Variants in CTNNA1 observed in about 807,000 individuals in gnomAD.
The protein encoded by CTNNA1 is catenin alpha 1, also known as catenin alpha-1.
CTNNA1 carries 37 observed loss-of-function variants against 98.4 expected under a neutral mutation model. The observed-to-expected ratio is 0.38, with a 90% CI of 0.29 to 0.49. The LOEUF (loss-of-function observed/expected upper bound fraction) is 0.49, where lower values mean the gene tolerates loss of function less well. Ranked by LOEUF, CTNNA1 falls within the 20% of genes least tolerant of loss-of-function variation. CTNNA1 has a pLI of 0.95. For missense variants in CTNNA1, 761 were observed against 1,147.2 expected (o/e 0.66, Z 4.86); for synonymous variants, 404 against 413.2 (o/e 0.98, Z 0.27).
intron 10 of CTNNA1, among the ~76,000 whole-genome samples, chr5:138,916,653 G>T (rs1314887955): frequency 1.3e-5 from 2 of 152,014 alleles, no homozygotes; most frequent in Non-Finnish European, 2.9e-5. Flanking sequence ...CTCTCAAGTA[G>T]CTGGGACTAC....
chr5:138,882,185 G>T (rs1423730489), intron 7 of CTNNA1, among the ~76,000 whole-genome samples: 2 of 152,244 alleles, frequency 1.3e-5, no homozygotes, highest in Admixed American at 1.3e-4. Context: ...GTAGCATTCT[G>T]TGGGGACACT....
chr5:138,861,486 A>G (rs1170889204), intron 7 of CTNNA1, among the ~76,000 whole-genome samples: 1 of 152,228 alleles, frequency 6.6e-6, no homozygotes, highest in East Asian at 1.9e-4. Context: ...TGGAATCCCA[A>G]GAAAACTGGA....
At chr5:138,815,339 C>T (rs1487559722) in intron 5 of CTNNA1, among the ~76,000 whole-genome samples, 2 of 151,964 alleles carry the variant, frequency 1.3e-5, no homozygotes, top group Non-Finnish European at 2.9e-5. Context: ...TATTGTTTCC[C>T]ACCCTTGTTT....
intron 1 of CTNNA1, among the ~76,000 whole-genome samples, chr5:138,769,338 C>T (rs1316260191): frequency 6.6e-6 from 1 of 151,662 alleles, no homozygotes; most frequent in Non-Finnish European, 1.5e-5. Context: ...CCCTTAGTCC[C>T]ACTGTGTTTT....
intron 9 of CTNNA1, chr5:138,891,111 G>A (rs1343480355): frequency 6.6e-6 from 1 of 152,186 alleles, no homozygotes; most frequent in Admixed American, 6.5e-5. Context: ...GTCTTATTGG[G>A]TGCTATTTGC....
chr5:138,824,488 T>C lies in CTNNA1; in HGVS notation c.589-42T>C, dbSNP rs764610642. ...CAAATTTTTATATGAGTAAAGCCCA[T>C]ATAAAGAGTGCTCCAATTTCTTGTT... is the stretch of plus-strand genomic sequence containing the variant. On this transcript the variant is annotated intron_variant, in intron 5 of 17. Transcript: ENST00000302763. 40 of 1,602,434 alleles carry C rather than the reference T, an allele frequency of 2.5e-5. No individual in the cohort carries two copies. In the Middle Eastern group the frequency reaches 9.9e-4, roughly 40 times the overall value.
chr5:138,832,097 T>C (rs1186050291), intron 7 of CTNNA1, among the ~76,000 whole-genome samples: 1 of 152,174 alleles, frequency 6.6e-6, no homozygotes, highest in Non-Finnish European at 1.5e-5. Context: ...GAAAGTGATA[T>C]CTTAGAGCAG....
intron 1 of CTNNA1, among the ~76,000 whole-genome samples, chr5:138,768,016 A>AT (rs1373607563): frequency 3.3e-5 from 5 of 152,138 alleles, no homozygotes; most frequent in Non-Finnish European, 7.3e-5. Context: ...AGAAGTACTG[A>AT]TTTTTTTGTG....
At chr5:138,785,514 G>A (rs1390671315) in intron 3 of CTNNA1, among the ~76,000 whole-genome samples, 1 of 728 alleles carries the variant, frequency 1.4e-3, no homozygotes. Context: ...CATATTAACA[G>A]ATGAGTTTGG....
At chr5:138,860,552 A>G (rs1380896361) in intron 7 of CTNNA1, among the ~76,000 whole-genome samples, 2 of 151,992 alleles carry the variant, frequency 1.3e-5, no homozygotes, top group African/African-American at 2.4e-5. Context: ...CTGGAGTGCA[A>G]TGACGCAGTC....
rs755556044 is a variant in CTNNA1, at chr5:138,925,224, C to T, written c.1748-32C>T. The T allele has an allele frequency of 4.4e-6, 7 of 1,604,752 alleles. No homozygotes were observed. In the African/African-American group the frequency reaches 8.0e-5, roughly 18 times the overall value. On this transcript the variant is annotated intron_variant, in intron 12 of 17. Coordinates refer to ENST00000302763, the MANE Select transcript of CTNNA1 (RefSeq NM_001903.5). Reference sequence around the variant, plus strand: ...CCAGGGGAATGATGCTGCCTGCTGACCAGGGTATCTACTGTGCCTCTTTCT... The same window carrying T: ...CCAGGGGAATGATGCTGCCTGCTGATCAGGGTATCTACTGTGCCTCTTTCT...
intron 8 of CTNNA1, among the ~76,000 whole-genome samples, chr5:138,886,917 A>G (rs1036338717): frequency 7.9e-5 from 12 of 152,150 alleles, no homozygotes; most frequent in African/African-American, 2.4e-4. Flanking sequence ...AATTTTTAAG[A>G]GGTAATGGAC....
At chr5:138,918,164 G>C (rs1762196880) in intron 11 of CTNNA1, among the ~76,000 whole-genome samples, 2 of 152,080 alleles carry the variant, frequency 1.3e-5, no homozygotes, top group African/African-American at 2.4e-5. Context: ...TTAGAAACCT[G>C]GCTGGCAAAG....
At chr5:138,932,743 G>T (rs768900802) in intron 17 of CTNNA1, 31 bp downstream of exon 17, 1 of 1,613,428 alleles carries the variant, frequency 6.2e-7, no homozygotes, top group Admixed American at 1.7e-5. Context: ...AAGAGGGCCA[G>T]TGGGAACGTG....
chr5:138,886,298 C>CT lies in CTNNA1; in HGVS notation c.1143+7dup, dbSNP rs1158190994. ...CCAGGGACTTGCGTAGACAGGTAAT[C>CT]TGGATGAAAGTGCTGATTGTTTTTC... On this transcript the variant is annotated splice_region_variant and intron_variant, in intron 8 of 17. Coordinates refer to ENST00000302763, the MANE Select transcript of CTNNA1 (RefSeq NM_001903.5). 6.3e-7 allele frequency: 1 copy of CT among 1,591,152 alleles called. No individual in the cohort carries two copies. Among genetic ancestry groups the CT allele is most frequent in the South Asian group, 1.2e-5 (1 of 86,252 alleles).
At chr5:138,868,544 C>T (rs760846514) in intron 7 of CTNNA1, among the ~76,000 whole-genome samples, 5 of 152,086 alleles carry the variant, frequency 3.3e-5, no homozygotes, top group Non-Finnish European at 7.4e-5. Context: ...GGTACCTTTC[C>T]GAAGCTCTCT....
chr5:138,882,480 G>A (rs1468159655), intron 7 of CTNNA1, among the ~76,000 whole-genome samples: 1 of 152,178 alleles, frequency 6.6e-6, no homozygotes. Flanking sequence ...AGGTTATGTG[G>A]ATCTTTCAAT....
intron 10 of CTNNA1, among the ~76,000 whole-genome samples, chr5:138,905,711 G>A (rs1439130334): frequency 4.6e-5 from 7 of 152,362 alleles, no homozygotes; most frequent in Non-Finnish European, 8.8e-5. Context: ...AGTGCCCAGT[G>A]TGTTGCCTGC....
At chr5:138,908,877 C>T (rs1187485674) in intron 10 of CTNNA1, among the ~76,000 whole-genome samples, 1 of 152,066 alleles carries the variant, frequency 6.6e-6, no homozygotes, top group Non-Finnish European at 1.5e-5. Flanking sequence ...GAGCAGAGCG[C>T]CCCGGTCTCA....
Sources: gnomAD v4.1 joint callset for allele counts (sites outside exome capture counted in the v4.1 genomes callset) on GRCh38, gnomAD v4.1.1 for gene constraint, MANE v1.5 for transcripts, NCBI Gene and HGNC (gene_info 2026-07-23, HGNC 2026-07-21) for gene names.